The following NAA11 variants were observed in gnomAD, a reference collection of about 807,000 sequenced individuals.
NAA11 encodes N-alpha-acetyltransferase 11.
A neutral mutation model predicts 16.1 loss-of-function variants in NAA11; 15 were observed. That is an observed-to-expected ratio of 0.93 (90% CI 0.62 to 1.44). The LOEUF is 1.44. Ranked by LOEUF, NAA11 falls within the 40% of genes most tolerant of loss-of-function variation. NAA11 has a pLI of 0.00. For missense variants in NAA11, 298 were observed against 291.3 expected (o/e 1.02, Z -0.17); for synonymous variants, 122 against 112.4 (o/e 1.09, Z -0.54).
chr4:79,274,505 T>A (rs1422936273), intron 2 of NAA11, among the ~76,000 whole-genome samples: 2 of 152,120 alleles, frequency 1.3e-5, no homozygotes, highest in African/African-American at 4.8e-5. Context: ...GTTAACTTAT[T>A]CATTCAACAA....
At chr4:79,192,498 G>T in the NAA11 span, among the ~76,000 whole-genome samples, 1 of 150,276 alleles carries the variant, frequency 6.7e-6, no homozygotes, top group Non-Finnish European at 1.5e-5. Flanking sequence ...TTGTCCTTGT[G>T]ATAGTTTGCT....
chr4:79,325,830 G>A lies in NAA11; in HGVS notation c.48C>T (p.His16=). ...AQPDDLMNMQ[H]CNLLCLPENY... ...TCTCAGGAAGGCAAAGGAGGTTGCA[G>A]TGTTGCATATTCATCAGGTCGTCTG... The change falls in exon 1 of 2, where the codon CAC becomes CAT. Residue 16 remains histidine (H), a synonymous_variant. Transcript: ENST00000286794. The A allele has an allele frequency of 1.2e-6, 2 of 1,614,028 alleles. No homozygotes were observed. The highest frequency in any genetic ancestry group is 1.7e-6 in the Non-Finnish European group (2 of 1,179,920).
At chr4:79,290,384 C>G (rs1182907669) in intron 2 of NAA11, among the ~76,000 whole-genome samples, 3 of 152,112 alleles carry the variant, frequency 2.0e-5, no homozygotes, top group African/African-American at 7.2e-5. Context: ...AGAAATTGTC[C>G]TGTTGTGGCA....
the NAA11 span, among the ~76,000 whole-genome samples, chr4:79,172,528 A>G: frequency 6.6e-6 from 1 of 152,032 alleles, no homozygotes; most frequent in Non-Finnish European, 1.5e-5. Context: ...GTTTGCACAG[A>G]TGAGTTTTAT....
chr4:79,183,851 C>T, the NAA11 span, among the ~76,000 whole-genome samples: 1 of 152,112 alleles, frequency 6.6e-6, no homozygotes, highest in Non-Finnish European at 1.5e-5. Context: ...TTAAATTTCT[C>T]ATTGTGATAA....
At chr4:79,309,724 T>C (rs1350806332) in intron 1 of NAA11, among the ~76,000 whole-genome samples, 4 of 139,796 alleles carry the variant, frequency 2.9e-5, no homozygotes, top group Non-Finnish European at 6.2e-5. Flanking sequence ...CTTTTTTTTT[T>C]TTTTTTTTTG....
At chr4:79,180,311 G>T in the NAA11 span, among the ~76,000 whole-genome samples, 1 of 152,150 alleles carries the variant, frequency 6.6e-6, no homozygotes, top group South Asian at 2.1e-4. Flanking sequence ...AATGTATATG[G>T]ACCACATGTG....
At chr4:79,288,729 T>A (rs1723008217) in intron 2 of NAA11, among the ~76,000 whole-genome samples, 1 of 152,164 alleles carries the variant, frequency 6.6e-6, no homozygotes, top group South Asian at 2.1e-4. Context: ...TTTTATATTA[T>A]TTAAAAATTA....
At chr4:79,216,793 G>A in the NAA11 span, among the ~76,000 whole-genome samples, 1 of 152,212 alleles carries the variant, frequency 6.6e-6, no homozygotes, top group East Asian at 1.9e-4. Flanking sequence ...CTAAGGAGTG[G>A]TGGATGGCTG....
rs781363508 is a variant in NAA11 at position 79,325,920 on chromosome 4, G to C, written c.-43C>G. 1.3e-6 allele frequency: 2 copies of C among 1,550,748 alleles called. No individual in the cohort carries two copies. The highest frequency in any genetic ancestry group is 1.4e-5 in the African/African-American group (1 of 73,534). On this transcript the variant is annotated 5_prime_UTR_variant, in exon 1 of 2. Coordinates refer to ENST00000286794, the MANE Select transcript of NAA11 (RefSeq NM_032693.3). ...AACCGGTTGGACTGCAGTGAACCCA[G>C]AAGAGGCTGTCGCCGACCTTAAGGG...
chr4:79,204,956 C>CACACACACA, the NAA11 span, among the ~76,000 whole-genome samples: 6 of 151,288 alleles, frequency 4.0e-5, no homozygotes, highest in Non-Finnish European at 7.4e-5. Context: ...CACACACACA[C>CACACACACA]ATTATTCCAT....
chr4:79,210,837 A>C, the NAA11 span, among the ~76,000 whole-genome samples: 1 of 152,192 alleles, frequency 6.6e-6, no homozygotes, highest in Admixed American at 6.6e-5. Flanking sequence ...CCAATAGGTC[A>C]GTTATTTAGT....
intron 2 of NAA11, among the ~76,000 whole-genome samples, chr4:79,230,356 A>G (rs1314228114): frequency 1.3e-5 from 2 of 151,968 alleles, no homozygotes; most frequent in African/African-American, 4.8e-5. Context: ...GCACACCAGC[A>G]TGGCACATGT....
chr4:79,307,342 T>C (rs1723621297), intron 1 of NAA11: 1 of 152,196 alleles, frequency 6.6e-6, no homozygotes, highest in African/African-American at 2.4e-5. Flanking sequence ...AAAACATCTC[T>C]AAATCATGGG....
At chr4:79,203,223 G>T in the NAA11 span, among the ~76,000 whole-genome samples, 1 of 151,486 alleles carries the variant, frequency 6.6e-6, no homozygotes, top group Non-Finnish European at 1.5e-5. Context: ...TATTATCTTT[G>T]ATCAAATAAT....
At chr4:79,190,541 C>A in the NAA11 span, among the ~76,000 whole-genome samples, 1 of 151,524 alleles carries the variant, frequency 6.6e-6, no homozygotes, top group Non-Finnish European at 1.5e-5. Flanking sequence ...GTAAAGTGAT[C>A]CCTTCATTCA....
the NAA11 span, among the ~76,000 whole-genome samples, chr4:79,205,845 T>G: frequency 6.6e-6 from 1 of 151,966 alleles, no homozygotes. Flanking sequence ...CAAATTTTTC[T>G]AGCACCATTT....
rs185342495 is a variant in NAA11 at position 79,263,405 on chromosome 4, G to A, written c.*122+30600C>T. Among the ~76,000 whole-genome samples the A allele has an allele frequency of 1.6e-4, 24 of 152,262 alleles. 1 individual carries two copies. In the East Asian group the frequency reaches 4.6e-3, roughly 29 times the overall value. ...CAAGAAAGTGAAAGTTTGAGCTCTGGGAGTTCCTGAACAGCAGGCAGAGCT... is the reference window on the plus strand; with the variant it reads ...CAAGAAAGTGAAAGTTTGAGCTCTGAGAGTTCCTGAACAGCAGGCAGAGCT... On this transcript the variant is annotated intron_variant and NMD_transcript_variant, in intron 2 of 2. Transcript: ENST00000511542.
intron 2 of NAA11, among the ~76,000 whole-genome samples, chr4:79,260,617 A>C (rs1722227975): frequency 1.3e-5 from 2 of 152,196 alleles, no homozygotes; most frequent in African/African-American, 4.8e-5. Context: ...CTGAACACTG[A>C]TTGAAACTAA....
Sources: allele counts gnomAD v4.1 joint callset (sites outside exome capture counted in the v4.1 genomes callset), GRCh38; gene constraint gnomAD v4.1.1; transcripts MANE v1.5; gene names NCBI Gene and HGNC (gene_info 2026-07-23, HGNC 2026-07-21).